The following PTPRN2 variants were observed in gnomAD, a reference collection of about 807,000 sequenced individuals.
PTPRN2 encodes the protein protein tyrosine phosphatase receptor type N2, also known as receptor-type tyrosine-protein phosphatase N2.
A neutral mutation model predicts 118.8 loss-of-function variants in PTPRN2; 74 were observed. That is an observed-to-expected ratio of 0.62 (90% CI 0.52 to 0.76). PTPRN2 has a LOEUF of 0.76. Ranked by LOEUF, PTPRN2 falls within the 30% of genes least tolerant of loss-of-function variation. The pLI is 0.00. For missense variants in PTPRN2, 1,481 were observed against 1,394.4 expected (o/e 1.06, Z -0.99); for synonymous variants, 641 against 608.0 (o/e 1.05, Z -0.80).
chr7:158,065,551 G>T (rs1467900949), intron 11 of PTPRN2, among the ~76,000 whole-genome samples: 1 of 152,234 alleles, frequency 6.6e-6, no homozygotes, highest in African/African-American at 2.4e-5. Flanking sequence ...AAAGACAGTG[G>T]CTGGCGGGGC....
At chr7:158,390,764 C>T (rs1193061924) in intron 2 of PTPRN2, among the ~76,000 whole-genome samples, 1 of 152,244 alleles carries the variant, frequency 6.6e-6, no homozygotes, top group Non-Finnish European at 1.5e-5. Context: ...CTTCTCTTCT[C>T]GCGCATCGTC....
At chr7:158,170,463 C>T (rs1307017637) in intron 5 of PTPRN2, among the ~76,000 whole-genome samples, 1 of 152,218 alleles carries the variant, frequency 6.6e-6, no homozygotes, top group Non-Finnish European at 1.5e-5. Context: ...TACACAATCA[C>T]AGCAGAGTGT....
At chr7:158,263,908 T>G (rs1457115750) in intron 3 of PTPRN2, among the ~76,000 whole-genome samples, 1 of 152,116 alleles carries the variant, frequency 6.6e-6, no homozygotes, top group African/African-American at 2.4e-5. Context: ...CCAGCGGAGG[T>G]GGCTGAACAC....
intron 12 of PTPRN2, among the ~76,000 whole-genome samples, chr7:157,743,453 G>A (rs929601459): frequency 2.9e-4 from 44 of 152,206 alleles, no homozygotes; most frequent in African/African-American, 1.0e-3. Flanking sequence ...ATACAGGCAC[G>A]GGATAGGCCA....
chr7:158,217,071 G>A (rs1440972266), intron 3 of PTPRN2, among the ~76,000 whole-genome samples: 2 of 152,196 alleles, frequency 1.3e-5, no homozygotes, highest in African/African-American at 4.8e-5. Flanking sequence ...ACTGTGCTAA[G>A]TGAAATTTTT....
chr7:157,709,980 G>C (rs1453352289), intron 12 of PTPRN2, among the ~76,000 whole-genome samples: 1 of 152,182 alleles, frequency 6.6e-6, no homozygotes, highest in Non-Finnish European at 1.5e-5. Flanking sequence ...GGCAAACCGT[G>C]GATGCTGGAG....
intron 1 of PTPRN2, among the ~76,000 whole-genome samples, chr7:158,533,653 A>G (rs1334248036): frequency 6.6e-6 from 1 of 152,202 alleles, no homozygotes; most frequent in East Asian, 1.9e-4. Flanking sequence ...GGTGGACACC[A>G]CAGAAGCTCT....
intron 9 of PTPRN2, among the ~76,000 whole-genome samples, chr7:158,131,080 C>T (rs78877790): frequency 2.0e-4 from 4 of 20,406 alleles, no homozygotes; most frequent in African/African-American, 1.4e-3. Flanking sequence ...CACACTTATA[C>T]ACACACGCAC....
chr7:157,851,405 G>A (rs1809265522), intron 12 of PTPRN2, among the ~76,000 whole-genome samples: 1 of 152,304 alleles, frequency 6.6e-6, no homozygotes, highest in South Asian at 2.1e-4. Flanking sequence ...ATAGTCTGAT[G>A]GAAAGTCTCT....
chr7:158,550,848 C>A (rs1443363358), intron 1 of PTPRN2, among the ~76,000 whole-genome samples: 1 of 152,174 alleles, frequency 6.6e-6, no homozygotes, highest in Non-Finnish European at 1.5e-5. Context: ...GGGGAGATGT[C>A]GTGAAGCTTT....
chr7:158,329,615 A>T (rs62480865), intron 2 of PTPRN2, among the ~76,000 whole-genome samples: 1 of 152,258 alleles, frequency 6.6e-6, no homozygotes, highest in African/African-American at 2.4e-5. Flanking sequence ...TCCAGCCTTC[A>T]GAACTGAGAA....
chr7:157,817,839 G>A (rs116573169), intron 12 of PTPRN2, among the ~76,000 whole-genome samples: 1,752 of 152,148 alleles, frequency 0.012, 37 homozygotes, highest in African/African-American at 0.038. Flanking sequence ...TGTGTGTAGC[G>A]TATGTGTGTG....
chr7:157,613,713 T>G (rs1802548031), intron 15 of PTPRN2, among the ~76,000 whole-genome samples: 1 of 152,096 alleles, frequency 6.6e-6, no homozygotes, highest in Non-Finnish European at 1.5e-5. Context: ...CGTGCCAGAA[T>G]CGTCTCCCTA....
rs573248171 is a variant in PTPRN2, at chr7:157,951,829, C to T, written c.1724-53092G>A. 1.6e-4 allele frequency among the ~76,000 whole-genome samples: 24 copies of T among 152,294 alleles called. No individual in the cohort carries two copies. In the South Asian group the frequency reaches 3.3e-3, roughly 21 times the overall value. On this transcript the variant is annotated intron_variant, in intron 11 of 22. Coordinates refer to ENST00000389418, the MANE Select transcript of PTPRN2 (RefSeq NM_002847.5). ...CCTCTGATCAGGTGGGGCCTGAGTCCGGCAGTGGATGCCAGTGAGTCAGCC... is the reference window on the plus strand; with the variant it reads ...CCTCTGATCAGGTGGGGCCTGAGTCTGGCAGTGGATGCCAGTGAGTCAGCC...
rs367600418 is a variant in PTPRN2, at chr7:157,976,554, C to T, written c.1724-77817G>A. Among the ~76,000 whole-genome samples the T allele has an allele frequency of 6.7e-4, 102 of 151,794 alleles. 2 individuals carry two copies. In the South Asian group the frequency reaches 0.014, roughly 20 times the overall value. ...CTGGAGCCTCCACCATGAGGCCTCCCGTGCTGCCTCCTGGGATAGTCACGC... is the reference window on the plus strand; with the variant it reads ...CTGGAGCCTCCACCATGAGGCCTCCTGTGCTGCCTCCTGGGATAGTCACGC... On this transcript the variant is annotated intron_variant, in intron 11 of 22. Transcript: ENST00000389418.
At chr7:157,640,024 A>G (rs1245407525) in intron 14 of PTPRN2, among the ~76,000 whole-genome samples, 1 of 152,250 alleles carries the variant, frequency 6.6e-6, no homozygotes, top group Non-Finnish European at 1.5e-5. Context: ...CTAGAACTAA[A>G]GCCCCACCAA....
At chr7:158,543,031 G>T (rs755281858) in intron 1 of PTPRN2, among the ~76,000 whole-genome samples, 1 of 152,338 alleles carries the variant, frequency 6.6e-6, no homozygotes, top group Non-Finnish European at 1.5e-5. Context: ...ATAAGGAAAG[G>T]TTAGAAACTC....
chr7:158,044,927 T>G (rs1808735221), intron 11 of PTPRN2, among the ~76,000 whole-genome samples: 1 of 152,146 alleles, frequency 6.6e-6, no homozygotes, highest in Non-Finnish European at 1.5e-5. Context: ...TTATAAACAG[T>G]GAAGGGCAGC....
At chr7:157,656,843 ACCACACACACACACAC>A (rs1563311278) in intron 13 of PTPRN2, among the ~76,000 whole-genome samples, 1 of 117,548 alleles carries the variant, frequency 8.5e-6, no homozygotes, top group Non-Finnish European at 1.9e-5. Flanking sequence ...ACACACACAC[ACCACACACACACACAC>A]ATCACACATA....
Sources: allele counts gnomAD v4.1 joint callset (sites outside exome capture counted in the v4.1 genomes callset), GRCh38; gene constraint gnomAD v4.1.1; transcripts MANE v1.5; gene names NCBI Gene and HGNC (gene_info 2026-07-23, HGNC 2026-07-21).